The following NFAM1 variants were observed in gnomAD, a reference collection of about 807,000 sequenced individuals.
NFAM1 encodes NFAT activating protein with ITAM motif 1.
In NFAM1, 17 loss-of-function variants were observed where a neutral mutation model predicts 29.0. The observed-to-expected ratio is 0.59, with a 90% confidence interval of 0.40 to 0.88. The LOEUF (loss-of-function observed/expected upper bound fraction) is 0.88, where lower values mean the gene tolerates loss of function less well. Ranked by LOEUF, NFAM1 falls within the 40% of genes least tolerant of loss-of-function variation. The probability of loss-of-function intolerance (pLI) is 0.00; values close to 1 mark genes in which losing one functional copy is unlikely to be tolerated. For missense variants in NFAM1, 324 were observed against 344.6 expected (o/e 0.94, Z 0.47); for synonymous variants, 175 against 147.2 (o/e 1.19, Z -1.36).
intron 4 of NFAM1, among the ~76,000 whole-genome samples, chr22:42,390,903 C>G (rs1010138054): frequency 6.6e-6 from 1 of 151,942 alleles, no homozygotes; most frequent in Admixed American, 6.5e-5. Context: ...AGCACAGAGG[C>G]CCAGGGCGCT....
rs1323418439 is a variant in NFAM1, at chr22:42,384,211, C to T, written c.*950G>A. ...TGGATGAAGCCACAGGTGGTGGGCA[C>T]AGGATAGGCCAGACAGAAGGGACTT... On this transcript the variant is annotated 3_prime_UTR_variant, in exon 6 of 6. Coordinates refer to ENST00000329021, the MANE Select transcript of NFAM1 (RefSeq NM_145912.8). 1 of 152,978 alleles carries T rather than the reference C, an allele frequency of 6.5e-6. No homozygotes were observed. The highest frequency in any genetic ancestry group is 1.9e-4 in the East Asian group (1 of 5,188). The allele number at this position is 152,978 out of a possible 1,614,324, so 9.5% of individuals were successfully genotyped here. A position where few individuals can be genotyped will look rare whatever the true frequency, so the allele number is the denominator to read the frequency against.
chr22:42,418,745 G>T (rs1569234314), intron 1 of NFAM1, among the ~76,000 whole-genome samples: 1 of 151,616 alleles, frequency 6.6e-6, no homozygotes. Flanking sequence ...CGGGTTAAAT[G>T]ACATGCCCTC....
chr22:42,415,271 C>T (rs1171070652), intron 1 of NFAM1, among the ~76,000 whole-genome samples: 1 of 151,316 alleles, frequency 6.6e-6, no homozygotes, highest in South Asian at 2.1e-4. Context: ...CCTGCACCTA[C>T]ACCTTCCTTT....
intron 1 of NFAM1, among the ~76,000 whole-genome samples, chr22:42,422,733 C>T (rs1476964028): frequency 6.6e-6 from 1 of 152,158 alleles, no homozygotes; most frequent in African/African-American, 2.4e-5. Flanking sequence ...CTCAAAGGGG[C>T]ATCAGGATGG....
At position 42,396,890 on chromosome 22, in the gene NFAM1, G is replaced by A. The variant is rs562551476; in HGVS notation, c.663+968C>T. 4.7e-3 allele frequency among the ~76,000 whole-genome samples: 709 copies of A among 152,220 alleles called. 6 individuals are homozygous for A. The highest frequency in any genetic ancestry group is 0.016 in the African/African-American group (645 of 41,538). On this transcript the variant is annotated intron_variant, in intron 4 of 5. Coordinates refer to ENST00000329021, the MANE Select transcript of NFAM1 (RefSeq NM_145912.8). ...GTTGTGGGAACAGAAACGACAGCAC[G>A]TACGAGCAGAACCCAAGCACCATCG... is the stretch of plus-strand genomic sequence containing the variant.
intron 3 of NFAM1, among the ~76,000 whole-genome samples, chr22:42,408,235 T>TCC (rs1444249756): frequency 1.3e-5 from 2 of 152,208 alleles, no homozygotes; most frequent in African/African-American, 4.8e-5. Flanking sequence ...CATTGCTGTA[T>TCC]CCCTGGTGCC....
chr22:42,409,345 G>T lies in NFAM1; in HGVS notation c.564+90C>A. 1 of 631,884 alleles carries T rather than the reference G, an allele frequency of 1.6e-6. No homozygotes were observed. Among genetic ancestry groups the T allele is most frequent in the Non-Finnish European group, 2.7e-6 (1 of 376,874 alleles). The allele number at this position is 631,884 out of a possible 1,614,324, so 39.1% of individuals were successfully genotyped here. A position where few individuals can be genotyped will look rare whatever the true frequency, so the allele number is the denominator to read the frequency against. ...TACAGATGTGGATGTGCCCTCACCA[G>T]GGCCCACCAAACGCCCTGCAGAGGG... is the stretch of plus-strand genomic sequence containing the variant. On this transcript the variant is annotated intron_variant, in intron 3 of 5. Transcript: ENST00000329021. This position sits in a 1 kb window ranked among gnomAD's most constrained non-coding sequence, Gnocchi z 4.9.
chr22:42,436,434 C>T (rs749474136), upstream of NFAM1, among the ~76,000 whole-genome samples: 3 of 152,182 alleles, frequency 2.0e-5, no homozygotes, highest in Non-Finnish European at 4.4e-5. Flanking sequence ...CAAACACCCT[C>T]ACTATCAAAA....
At position 42,411,574 on chromosome 22, in the gene NFAM1, T is replaced by C; in HGVS notation, c.284A>G (p.Lys95Arg). 1 of 1,614,230 alleles carries C rather than the reference T, an allele frequency of 6.2e-7. No individual in the cohort carries two copies. The highest frequency in any genetic ancestry group is 8.5e-7 in the Non-Finnish European group (1 of 1,180,040). ...CAGTCCAGGGTGGCAGTTTGTTGGCTTCTTAGGGCTCCTCTGTCCCTGGAG... is the reference window on the plus strand; with the variant it reads ...CAGTCCAGGGTGGCAGTTTGTTGGCCTCTTAGGGCTCCTCTGTCCCTGGAG... ...EDLQGQRSPK[K>R]PTNCHPGLGT... The change falls in exon 2 of 6, where the codon AAG becomes AGG. Residue 95 changes from lysine to arginine, a missense_variant. Transcript: ENST00000329021.
At chr22:42,411,309 G>T in intron 2 of NFAM1, 98 bp downstream of exon 2, 4 of 954,832 alleles carry the variant, frequency 4.2e-6, no homozygotes, top group Admixed American at 2.2e-5. Flanking sequence ...GTGAGCCACT[G>T]CGCCTGGCCC....
chr22:42,430,626 G>A (rs1038418260), intron 1 of NFAM1, among the ~76,000 whole-genome samples: 6 of 151,126 alleles, frequency 4.0e-5, no homozygotes, highest in Non-Finnish European at 8.8e-5. Flanking sequence ...CTAGGACACC[G>A]TAAGGGTGTT....
chr22:42,384,918 G>A lies in NFAM1; in HGVS notation c.*243C>T, dbSNP rs987445256. 12 of 609,706 alleles carry A rather than the reference G, an allele frequency of 2.0e-5. No homozygotes were observed. In the African/African-American group the frequency reaches 2.2e-4, roughly 11 times the overall value. The allele number at this position is 609,706 out of a possible 1,614,324, so 37.8% of individuals were successfully genotyped here. A position where few individuals can be genotyped will look rare whatever the true frequency, so the allele number is the denominator to read the frequency against. Reference sequence around the variant, plus strand: ...CGCTTTGCTGGTTGGGCCAAGGGAGGAAGGGCCTGCCTGGCAGAAGGAACA... The same window carrying A: ...CGCTTTGCTGGTTGGGCCAAGGGAGAAAGGGCCTGCCTGGCAGAAGGAACA... On this transcript the variant is annotated 3_prime_UTR_variant, in exon 6 of 6. Transcript: ENST00000329021.
rs45551335 is a variant in NFAM1 at position 42,387,013 on chromosome 22, G to C, written c.729C>G (p.Thr243=). The change falls in exon 5 of 6, where the codon ACC becomes ACG. Residue 243 remains threonine (T), a synonymous_variant. Transcript: ENST00000329021. ...CCTGGGAGAGGGGGCTCTGCTTGGC[G>C]GTGGGTGAGCTGCCATCCTCATTCT... ...CIENEDGSSP[T]AKQSPLSQER... 3.6e-5 allele frequency: 56 copies of C among 1,576,690 alleles called. No homozygotes were observed. In the African/African-American group the frequency reaches 6.5e-4, roughly 18 times the overall value.
chr22:42,429,596 A>T (rs888166202), intron 1 of NFAM1, among the ~76,000 whole-genome samples: 1 of 152,364 alleles, frequency 6.6e-6, no homozygotes, highest in African/African-American at 2.4e-5. Context: ...AGCCTGGGCA[A>T]CAGAGCGAGA....
chr22:42,412,253 C>T (rs1009647614), intron 1 of NFAM1, among the ~76,000 whole-genome samples: 1 of 151,980 alleles, frequency 6.6e-6, no homozygotes, highest in Non-Finnish European at 1.5e-5. Flanking sequence ...AAAAGAAAGA[C>T]AAGTCTCGTG....
chr22:42,411,278 C>T (rs1930078275), intron 2 of NFAM1, 129 bp downstream of exon 2: 2 of 697,186 alleles, frequency 2.9e-6, no homozygotes, highest in Non-Finnish European at 4.8e-6. Flanking sequence ...CCCGCCTCAG[C>T]CTCCCAAAGT....
At chr22:42,413,106 C>G (rs1930148039) in intron 1 of NFAM1, among the ~76,000 whole-genome samples, 1 of 152,220 alleles carries the variant, frequency 6.6e-6, no homozygotes, top group Non-Finnish European at 1.5e-5. Context: ...TTCTCCAGGC[C>G]CCTCCTTCTC....
intron 4 of NFAM1, among the ~76,000 whole-genome samples, chr22:42,396,958 G>A (rs189549022): frequency 1.1e-3 from 167 of 151,986 alleles, no homozygotes; most frequent in African/African-American, 2.4e-3. Flanking sequence ...CCTGGGGAGC[G>A]TGCACCTGGG....
upstream of NFAM1, among the ~76,000 whole-genome samples, chr22:42,434,233 G>A (rs1339025363): frequency 6.6e-6 from 1 of 152,160 alleles, no homozygotes; most frequent in Non-Finnish European, 1.5e-5. Flanking sequence ...TCTTGAGCCT[G>A]GCCCAGGGGG....
Sources: gnomAD v4.1 joint callset for allele counts (sites outside exome capture counted in the v4.1 genomes callset) on GRCh38, gnomAD v4.1.1 for gene constraint, Gnocchi (gnomAD v3.1) non-coding constraint, MANE v1.5 for transcripts, NCBI Gene and HGNC (gene_info 2026-07-23, HGNC 2026-07-21) for gene names.